The following ABCC1 variants were observed in gnomAD, a reference collection of about 807,000 sequenced individuals.
ABCC1 encodes the protein multidrug resistance-associated protein 1.
In ABCC1, 83 loss-of-function variants were observed where a neutral mutation model predicts 172.9. The ratio of observed to expected loss-of-function variants is 0.48; its 90% confidence interval spans 0.40 to 0.58. The LOEUF (loss-of-function observed/expected upper bound fraction) is 0.58, where lower values mean the gene tolerates loss of function less well. Among genes scored for constraint, ABCC1 ranks in the 20% least tolerant of loss-of-function variants. The probability of loss-of-function intolerance (pLI) is 0.00; values close to 1 mark genes in which losing one functional copy is unlikely to be tolerated. For synonymous variants in ABCC1, 937 were observed against 825.2 expected, an observed-to-expected ratio of 1.14 and a Z score of -2.32; for missense variants, 1,817 against 2,002.7, an observed-to-expected ratio of 0.91 and a Z score of 1.77.
chr16:16,064,920 A>G (rs1483689151), intron 12 of ABCC1, among the ~76,000 whole-genome samples: 1 of 152,264 alleles, frequency 6.6e-6, no homozygotes, highest in East Asian at 1.9e-4. Context: ...CCTAAGTGCT[A>G]TAGAAAGAAA....
intron 1 of ABCC1, among the ~76,000 whole-genome samples, chr16:16,006,670 G>C (rs1465087352): frequency 6.6e-6 from 1 of 152,018 alleles, no homozygotes; most frequent in African/African-American, 2.4e-5. Flanking sequence ...TTTGAATTCA[G>C]CTCCAGAGCT....
At chr16:16,139,878 C>T (rs914977081) in intron 30 of ABCC1, among the ~76,000 whole-genome samples, 2 of 152,280 alleles carry the variant, frequency 1.3e-5, no homozygotes, top group Non-Finnish European at 2.9e-5. Flanking sequence ...TCTGGGACAG[C>T]GATCTGCAAC....
chr16:16,069,933 A>G (rs1452523921), intron 13 of ABCC1, among the ~76,000 whole-genome samples: 1 of 152,150 alleles, frequency 6.6e-6, no homozygotes, highest in African/African-American at 2.4e-5. Context: ...CTGAGACACG[A>G]GAATCGCTTG....
intron 27 of ABCC1, among the ~76,000 whole-genome samples, chr16:16,133,557 C>A (rs1038582149): frequency 5.3e-5 from 8 of 152,076 alleles, no homozygotes; most frequent in Admixed American, 3.9e-4. Flanking sequence ...GTGCATGCCA[C>A]CACGCCCAGC....
At chr16:16,134,178 G>A (rs1046136168) in intron 27 of ABCC1, among the ~76,000 whole-genome samples, 172 bp from the exon 28 acceptor site, 1 of 152,070 alleles carries the variant, frequency 6.6e-6, no homozygotes, top group Non-Finnish European at 1.5e-5. Flanking sequence ...TTGACCTTCG[G>A]CCGAAACACC....
intron 1 of ABCC1, among the ~76,000 whole-genome samples, chr16:16,000,144 C>T (rs2047248944): frequency 6.6e-6 from 1 of 150,982 alleles, no homozygotes; most frequent in African/African-American, 2.4e-5. Context: ...TGAGCCACCG[C>T]TCCTGGCCTT....
At chr16:15,997,673 G>GC (rs1207226134) in intron 1 of ABCC1, among the ~76,000 whole-genome samples, 4 of 152,054 alleles carry the variant, frequency 2.6e-5, no homozygotes, top group South Asian at 4.2e-4. Flanking sequence ...TTTAGGTATT[G>GC]CCCATTATTC....
intron 10 of ABCC1, 30 bp downstream of exon 10, chr16:16,048,333 T>C: frequency 6.8e-6 from 11 of 1,611,684 alleles, no homozygotes; most frequent in Non-Finnish European, 9.3e-6. Context: ...TCCCTTTGCA[T>C]GCAGGGAGGG....
At chr16:15,973,521 G>A (rs921765763) in intron 1 of ABCC1, among the ~76,000 whole-genome samples, 6 of 152,272 alleles carry the variant, frequency 3.9e-5, no homozygotes, top group Admixed American at 2.6e-4. Context: ...CCTGCTGCCA[G>A]GAGTTATATA....
Position 16,134,255 on chromosome 16 carries a change from G to T in ABCC1, c.3967-95G>T, listed in dbSNP as rs1273313200. On this transcript the variant is annotated intron_variant, in intron 27 of 30. Coordinates refer to ENST00000399410, the MANE Select transcript of ABCC1 (RefSeq NM_004996.4). The stretch of plus-strand genomic sequence containing the variant: ...GTCGAGTTGGGTTGACCAGATGACT[G>T]ATGCCTGAGGTGGGGCCGAGATGAG... 4 of 1,498,718 alleles carry T rather than the reference G, an allele frequency of 2.7e-6. No individual in the cohort carries two copies. In the African/African-American group the frequency reaches 5.5e-5, roughly 21 times the overall value. 92.8% of individuals were successfully genotyped at this position (1,498,718 alleles called of 1,614,324 possible).
intron 1 of ABCC1, among the ~76,000 whole-genome samples, chr16:15,974,079 G>C (rs1187133182): frequency 6.6e-6 from 1 of 152,200 alleles, no homozygotes; most frequent in Non-Finnish European, 1.5e-5. Context: ...TGGTTGAAAT[G>C]ATAGCCCTCT....
intron 1 of ABCC1, among the ~76,000 whole-genome samples, chr16:15,969,297 T>C (rs979101923): frequency 4.6e-5 from 7 of 152,218 alleles, no homozygotes; most frequent in Non-Finnish European, 8.8e-5. Flanking sequence ...TGATATTTAA[T>C]TGCAGATGAA....
At chr16:16,007,314 G>A (rs761097417) in intron 1 of ABCC1, among the ~76,000 whole-genome samples, 4 of 151,550 alleles carry the variant, frequency 2.6e-5, no homozygotes, top group Admixed American at 6.6e-5. Context: ...TGCAACTTCC[G>A]CCTTCCAGGC....
Position 16,106,706 on chromosome 16 carries a change from A to G in ABCC1, c.2736-32A>G, listed in dbSNP as rs757814373. 13 of 1,613,424 alleles carry G rather than the reference A, an allele frequency of 8.1e-6. No individual in the cohort carries two copies. In the East Asian group the frequency reaches 8.9e-5, roughly 11 times the overall value. ...CTCCGACCCTGCCCAAGGCATCTGTACGGTTGACACCCTTGTGCTTTGCTT... is the reference window on the plus strand; with the variant it reads ...CTCCGACCCTGCCCAAGGCATCTGTGCGGTTGACACCCTTGTGCTTTGCTT... On this transcript the variant is annotated intron_variant, in intron 20 of 30. Coordinates refer to ENST00000399410, the MANE Select transcript of ABCC1 (RefSeq NM_004996.4).
At chr16:16,073,520 T>C (rs1367504075) in intron 14 of ABCC1, among the ~76,000 whole-genome samples, 3 of 152,172 alleles carry the variant, frequency 2.0e-5, no homozygotes, top group Admixed American at 6.5e-5. Context: ...CCTAGTACTT[T>C]GGGAGGCCAA....
At chr16:16,019,618 T>A (rs2048125862) in intron 5 of ABCC1, among the ~76,000 whole-genome samples, 1 of 152,152 alleles carries the variant, frequency 6.6e-6, no homozygotes, top group Non-Finnish European at 1.5e-5. Flanking sequence ...CTTTCTTAAT[T>A]TCTGATCTCC....
intron 20 of ABCC1, among the ~76,000 whole-genome samples, chr16:16,103,592 C>G (rs12926589): frequency 0.27 from 40,609 of 151,800 alleles, 5,419 homozygotes; most frequent in Middle Eastern, 0.37. Context: ...AAAACAAAAA[C>G]AAAACAAAAC....
chr16:16,068,442 T>TTC, intron 13 of ABCC1, 140 bp downstream of exon 13: 1 of 965,990 alleles, frequency 1.0e-6, no homozygotes, highest in South Asian at 1.5e-5. Context: ...GCTGCCATGC[T>TTC]TTCGTCTGGT....
At chr16:16,103,340 G>C (rs1278220559) in intron 20 of ABCC1, among the ~76,000 whole-genome samples, 1 of 152,186 alleles carries the variant, frequency 6.6e-6, no homozygotes, top group East Asian at 1.9e-4. Context: ...AGCACTTCGG[G>C]AGGCTGAGGC....
Sources: allele counts gnomAD v4.1 joint callset (sites outside exome capture counted in the v4.1 genomes callset), GRCh38; gene constraint gnomAD v4.1.1; transcripts MANE v1.5; gene names NCBI Gene and HGNC (gene_info 2026-07-23, HGNC 2026-07-21).